ZNF425: variants seen among roughly 807,000 people sequenced by gnomAD.
The protein encoded by ZNF425 is zinc finger protein 425.
ZNF425 carries 21 observed loss-of-function variants against 17.0 expected under a neutral mutation model. The ratio of observed to expected loss-of-function variants is 1.23; its 90% CI spans 0.88 to 1.78. The LOEUF (loss-of-function observed/expected upper bound fraction) is 1.78. Ranked by LOEUF, ZNF425 falls within the 40% of genes most tolerant of loss-of-function variation. The probability of loss-of-function intolerance (pLI) is 0.00; values close to 1 mark genes in which losing one functional copy is unlikely to be tolerated. For missense variants in ZNF425, 868 were observed against 967.3 expected, an observed-to-expected ratio of 0.90 and a Z score of 1.36; for synonymous variants, 433 against 384.1, an observed-to-expected ratio of 1.13 and a Z score of -1.49.
rs749994471 is a variant in ZNF425, at chr7:149,105,075, C to T, written c.796G>A (p.Val266Ile). The change falls in exon 4 of 4, where the codon GTT (valine) becomes ATT (isoleucine). Residue 266 changes from valine (V) to isoleucine (I), a missense_variant. Val to Ile is a conservative substitution (Grantham distance 29). Around this residue, in one of 5 missense-constraint regions of ZNF425, gnomAD observed 243 missense variants for 265.2 expected, o/e 0.92. Coordinates refer to ENST00000378061, the MANE Select transcript of ZNF425 (RefSeq NM_001001661.3). ...FLKGSLVTHQ[V>I]VHTGQRPYPC... ...TAGGGCCGCTGGCCGGTGTGGACAA[C>T]CTGATGAGTGACGAGGCTGCCCTTC... The T allele has an allele frequency of 1.2e-6, 2 of 1,614,222 alleles. No homozygotes were observed. Among genetic ancestry groups the T allele is most frequent in the Non-Finnish European group, 1.7e-6 (2 of 1,180,038 alleles).
At position 149,118,227 on chromosome 7, in the gene ZNF425, G is replaced by C. The variant is rs377210131; in HGVS notation, c.140C>G (p.Ser47Cys). The change falls in exon 2 of 4, where the codon TCC becomes TGC. Residue 47 changes from serine to cysteine, a missense_variant. Transcript: ENST00000378061. ...EMKTNYETLD[S>C]LGYAFSKPDL... ...TCCTTAGAAGCTCATCTTACCCAGG[G>C]AATCAAGGGTCTCGTAATTGGTCTT... 4 of 1,613,900 alleles carry C rather than the reference G, an allele frequency of 2.5e-6. No homozygotes were observed. Among genetic ancestry groups the C allele is most frequent in the African/African-American group, 2.7e-5 (2 of 74,888 alleles).
chr7:149,110,241 A>T (rs964605469), intron 3 of ZNF425, among the ~76,000 whole-genome samples: 3 of 151,896 alleles, frequency 2.0e-5, no homozygotes, highest in Non-Finnish European at 4.4e-5. Flanking sequence ...CTCCTGCTTC[A>T]GAGGATTCCT....
rs1443982948 is a variant in ZNF425 at position 149,104,499 on chromosome 7, G to A, written c.1372C>T (p.Arg458Cys). 6 of 1,595,922 alleles carry A rather than the reference G, an allele frequency of 3.8e-6. No individual in the cohort carries two copies. In the Admixed American group the frequency reaches 5.2e-5, roughly 14 times the overall value. The stretch of plus-strand genomic sequence containing the variant: ...TCGCTGTGCAGGCGCTGGTGGGCGC[G>A]CATGGCGTTCCTCCAGAAGAAGCCC... ...SRGFFWRNAM[R>C]AHQRLHSEQK... Residue 458 changes from arginine to cysteine, a missense_variant, in exon 4 of 4, where the codon CGC becomes TGC. This residue lies in a region of ZNF425 where 437 missense variants were observed against 444.2 expected (regional missense o/e 0.98). Transcript: ENST00000378061. This position sits in a 1 kb window ranked among gnomAD's most constrained non-coding sequence, Gnocchi z 4.3.
At chr7:149,109,686 A>T (rs530429254) in intron 3 of ZNF425, among the ~76,000 whole-genome samples, 10 of 152,316 alleles carry the variant, frequency 6.6e-5, no homozygotes, top group African/African-American at 2.2e-4. Flanking sequence ...CATGTCAGTA[A>T]GACGATCAAC....
intron 3 of ZNF425, among the ~76,000 whole-genome samples, chr7:149,109,689 C>T (rs756968297): frequency 5.3e-5 from 8 of 152,028 alleles, no homozygotes; most frequent in African/African-American, 9.7e-5. Context: ...GTCAGTAAGA[C>T]GATCAACATC....
At chr7:149,110,908 C>T (rs570198265) in intron 3 of ZNF425, among the ~76,000 whole-genome samples, 3 of 151,552 alleles carry the variant, frequency 2.0e-5, no homozygotes, top group African/African-American at 7.2e-5. Context: ...AATTCTCCTG[C>T]CTCAGCCTCG....
chr7:149,123,858 T>TC (rs1192912568), intron 1 of ZNF425, among the ~76,000 whole-genome samples: 14 of 116,088 alleles, frequency 1.2e-4, no homozygotes, highest in South Asian at 2.8e-4. Context: ...TTTTTTTTTT[T>TC]CCTTTTTGAG....
chr7:149,107,910 G>C (rs779474882), intron 3 of ZNF425, among the ~76,000 whole-genome samples: 8 of 151,382 alleles, frequency 5.3e-5, no homozygotes, highest in Non-Finnish European at 1.2e-4. Flanking sequence ...TTGCTGCCCA[G>C]GCTAGAGTGC....
At position 149,105,512 on chromosome 7, in the gene ZNF425, T is replaced by C; in HGVS notation, c.359A>G (p.Gln120Arg). 4 of 1,518,092 alleles carry C rather than the reference T, an allele frequency of 2.6e-6. No homozygotes were observed. The highest frequency in any genetic ancestry group is 3.5e-6 in the Non-Finnish European group (4 of 1,136,738). 94.0% of individuals were successfully genotyped at this position (1,518,092 alleles called of 1,614,324 possible). Residue 120 changes from glutamine to arginine, a missense_variant, in exon 4 of 4, where the codon CAA becomes CGA. Physicochemically the swap from Gln to Arg is conservative, Grantham distance 43 (BLOSUM62 1). This residue lies in a region of ZNF425 where 179 missense variants were observed against 216.3 expected (regional missense o/e 0.83). Coordinates refer to ENST00000378061, the MANE Select transcript of ZNF425 (RefSeq NM_001001661.3). ...KEEDCRLNGP[Q>R]KQDLCAALRG... is the part of the protein sequence containing the mutation. Reference sequence around the variant, plus strand: ...TAAGGCAGCACACAAGTCCTGTTTTTGAGGACCATTTAAACGGCAATCCTC... The same window carrying C: ...TAAGGCAGCACACAAGTCCTGTTTTCGAGGACCATTTAAACGGCAATCCTC...
intron 3 of ZNF425, 96 bp from the exon 4 acceptor site, chr7:149,105,662 A>T (rs1255478919): frequency 6.7e-5 from 54 of 804,382 alleles, no homozygotes; most frequent in South Asian, 3.1e-4. Flanking sequence ...TATTATTATT[A>T]TTTTTTGCGA....
At chr7:149,125,831 C>T (rs1826456180) in intron 1 of ZNF425, 1 of 404,178 alleles carries the variant, frequency 2.5e-6, no homozygotes, top group South Asian at 2.3e-5. Flanking sequence ...ACCTGGTGGT[C>T]CCCGCTCCCG....
chr7:149,123,055 T>C (rs576460137), intron 1 of ZNF425, among the ~76,000 whole-genome samples: 86 of 152,300 alleles, frequency 5.6e-4, no homozygotes, highest in Middle Eastern at 3.4e-3. Context: ...TGTGAACTCA[T>C]GTTGGCAACT....
At chr7:149,111,188 G>A (rs1352334979) in intron 3 of ZNF425, among the ~76,000 whole-genome samples, 1 of 151,462 alleles carries the variant, frequency 6.6e-6, no homozygotes, top group African/African-American at 2.4e-5. Flanking sequence ...GGTGGCTCAC[G>A]TCTATAATCC....
intron 3 of ZNF425, among the ~76,000 whole-genome samples, chr7:149,111,590 T>TAAAAAAAAAAAAAAA (rs60783786): frequency 4.0e-4 from 22 of 54,388 alleles, no homozygotes; most frequent in African/African-American, 5.2e-4. Context: ...AGACTCTGTC[T>TAAAAAAAAAAAAAAA]AAAAAAAAAA....
chr7:149,120,823 G>A (rs557141877), intron 1 of ZNF425, among the ~76,000 whole-genome samples: 96 of 152,126 alleles, frequency 6.3e-4, no homozygotes, highest in African/African-American at 2.2e-3. Context: ...TTTTATTGCC[G>A]AGTAGTATTC....
chr7:149,112,821 C>A (rs1826196240), intron 2 of ZNF425, among the ~76,000 whole-genome samples: 1 of 151,866 alleles, frequency 6.6e-6, no homozygotes, highest in Non-Finnish European at 1.5e-5. Context: ...CATGCGCCAC[C>A]ATGCCCTGCT....
intron 3 of ZNF425, among the ~76,000 whole-genome samples, chr7:149,107,801 A>G (rs1826105479): frequency 6.6e-6 from 1 of 151,690 alleles, no homozygotes; most frequent in Non-Finnish European, 1.5e-5. Context: ...TTTTCCTCCA[A>G]AGTCTTGTCG....
chr7:149,124,312 C>T (rs1438464801), intron 1 of ZNF425, among the ~76,000 whole-genome samples: 2 of 150,438 alleles, frequency 1.3e-5, no homozygotes, highest in East Asian at 2.0e-4. Flanking sequence ...CCCGCCACCA[C>T]GCCCGGCTAA....
At chr7:149,106,252 C>CATTCAAGGACTGTCTTCATG (rs1826081185) in intron 3 of ZNF425, among the ~76,000 whole-genome samples, 1 of 151,180 alleles carries the variant, frequency 6.6e-6, no homozygotes, top group Non-Finnish European at 1.5e-5. Flanking sequence ...CATGCCTGGC[C>CATTCAAGGACTGTCTTCATG]TAAAATTTTT....
Sources: allele counts gnomAD v4.1 joint callset (sites outside exome capture counted in the v4.1 genomes callset), GRCh38; gene constraint gnomAD v4.1.1; regional missense constraint gnomAD v4.1.1; non-coding constraint Gnocchi (gnomAD v3.1); transcripts MANE v1.5; gene names NCBI Gene and HGNC (gene_info 2026-07-23, HGNC 2026-07-21).